The following TEK variants were observed in gnomAD, a reference collection of about 807,000 sequenced individuals.
The protein encoded by TEK is TEK receptor tyrosine kinase.
TEK carries 43 observed loss-of-function variants against 131.8 expected under a neutral mutation model. The ratio of observed to expected loss-of-function variants is 0.33; its 90% CI spans 0.26 to 0.42. The LOEUF (loss-of-function observed/expected upper bound fraction) is 0.42. Ranked by LOEUF, TEK falls within the 10% of genes least tolerant of loss-of-function variation. The pLI, the probability that TEK is intolerant of heterozygous loss-of-function variation, is 1.00. For missense variants in TEK, 1,162 were observed against 1,384.4 expected, an observed-to-expected ratio of 0.84 and a Z score of 2.55; for synonymous variants, 580 against 491.6, an observed-to-expected ratio of 1.18 and a Z score of -2.38.
At chr9:27,168,441 C>T in intron 2 of TEK, 54 bp from the exon 3 acceptor site, 4 of 1,407,310 alleles carry the variant, frequency 2.8e-6, no homozygotes, top group East Asian at 2.3e-5. Flanking sequence ...CTCAATTGCT[C>T]CTGGAGAAAA....
intron 21 of TEK, among the ~76,000 whole-genome samples, chr9:27,220,984 T>C (rs747243972): frequency 7.9e-5 from 12 of 152,182 alleles, no homozygotes; most frequent in Non-Finnish European, 1.8e-4. Context: ...GTGGTCTAGC[T>C]CAGTGGAGCC....
At chr9:27,213,032 G>A in intron 17 of TEK, 135 bp downstream of exon 17, 1 of 922,852 alleles carries the variant, frequency 1.1e-6, no homozygotes, top group East Asian at 2.6e-5. Flanking sequence ...TAATCTCTCT[G>A]TGAATAGTCC....
intron 21 of TEK, among the ~76,000 whole-genome samples, chr9:27,226,631 G>T (rs1030305894): frequency 1.3e-5 from 2 of 152,052 alleles, no homozygotes; most frequent in Non-Finnish European, 2.9e-5. Flanking sequence ...GTAGATGACA[G>T]GTTGATGGGT....
chr9:27,225,144 G>C (rs1031122443), intron 21 of TEK, among the ~76,000 whole-genome samples: 1 of 152,202 alleles, frequency 6.6e-6, no homozygotes, highest in Non-Finnish European at 1.5e-5. Context: ...CATGCTCATG[G>C]ACAGGAAGAA....
intron 7 of TEK, among the ~76,000 whole-genome samples, chr9:27,182,085 A>T (rs1441697219): frequency 6.6e-6 from 1 of 152,206 alleles, no homozygotes; most frequent in East Asian, 1.9e-4. Context: ...CCATGGGGCT[A>T]CTAGGGGATT....
chr9:27,203,248 G>A, intron 13 of TEK, 129 bp downstream of exon 13: 2 of 987,840 alleles, frequency 2.0e-6, no homozygotes, highest in Non-Finnish European at 3.1e-6. Context: ...CATTTACAGA[G>A]AGGTCCTTAA....
intron 7 of TEK, among the ~76,000 whole-genome samples, chr9:27,181,754 G>A (rs1345080719): frequency 6.6e-6 from 1 of 152,182 alleles, no homozygotes; most frequent in African/African-American, 2.4e-5. Context: ...GCTATCCACT[G>A]TCGTAGAATA....
intron 11 of TEK, among the ~76,000 whole-genome samples, chr9:27,194,528 T>C (rs1310602425): frequency 8.5e-5 from 13 of 152,168 alleles, no homozygotes; most frequent in Non-Finnish European, 1.5e-5. Flanking sequence ...ATCCCTGATA[T>C]GTCATCATGT....
intron 1 of TEK, among the ~76,000 whole-genome samples, chr9:27,112,990 T>C (rs629582): frequency 0.96 from 146,946 of 152,300 alleles, 71,081 homozygotes; most frequent in East Asian, 1. Flanking sequence ...TCATATGTTG[T>C]ATTAGCAGAA....
rs535583704 is a variant in TEK at position 27,168,374 on chromosome 9, T to G, written c.365-121T>G. The G allele has an allele frequency of 6.1e-4, 460 of 755,098 alleles. 8 individuals carry two copies. Among genetic ancestry groups the G allele is most frequent in the South Asian group, 5.9e-3 (400 of 67,704 alleles). The allele number at this position is 755,098 out of a possible 1,614,324, so 46.8% of individuals were successfully genotyped here. A position where few individuals can be genotyped will look rare whatever the true frequency, so the allele number is the denominator to read the frequency against. On this transcript the variant is annotated intron_variant, in intron 2 of 22. Coordinates refer to ENST00000380036, the MANE Select transcript of TEK (RefSeq NM_000459.5). Reference sequence around the variant, plus strand: ...GCATTAGCCACCACTGTTTTTCACCTTCCAAAAACCATCTGACACCTAGCA... The same window carrying G: ...GCATTAGCCACCACTGTTTTTCACCGTCCAAAAACCATCTGACACCTAGCA...
At chr9:27,145,320 C>T (rs757797254) in intron 1 of TEK, among the ~76,000 whole-genome samples, 1 of 152,208 alleles carries the variant, frequency 6.6e-6, no homozygotes, top group Non-Finnish European at 1.5e-5. Flanking sequence ...AGCTCTTGAT[C>T]GGCCTGTTTC....
At chr9:27,122,199 T>C (rs560791543) in intron 1 of TEK, among the ~76,000 whole-genome samples, 10 of 152,258 alleles carry the variant, frequency 6.6e-5, no homozygotes, top group Non-Finnish European at 1.0e-4. Context: ...GTTCCAAAGA[T>C]AGTTAAGAGA....
At position 27,109,401 on chromosome 9, in the gene TEK, A is replaced by C. The variant is rs999429385; in HGVS notation, c.-190A>C. 1 of 683,762 alleles carries C rather than the reference A, an allele frequency of 1.5e-6. No individual in the cohort carries two copies. Among genetic ancestry groups the C allele is most frequent in the African/African-American group, 1.8e-5 (1 of 55,760 alleles). 42.4% of individuals were successfully genotyped at this position (683,762 alleles called of 1,614,324 possible). Reference sequence around the variant, plus strand: ...AAAGGAAACAGGAAAAAGGAACTTAAAACTCCCTGTGCTCAGACAGAAATG... The same window carrying C: ...AAAGGAAACAGGAAAAAGGAACTTACAACTCCCTGTGCTCAGACAGAAATG... On this transcript the variant is annotated 5_prime_UTR_variant, in exon 1 of 23. The change abolishes the stop of an existing upstream ORF in the 5' untranslated region. Coordinates refer to ENST00000380036, the MANE Select transcript of TEK (RefSeq NM_000459.5).
intron 1 of TEK, among the ~76,000 whole-genome samples, chr9:27,144,596 C>T (rs937173473): frequency 6.6e-6 from 1 of 152,144 alleles, no homozygotes; most frequent in Non-Finnish European, 1.5e-5. Flanking sequence ...TTTGGAAGCA[C>T]ACAGGATTTT....
intron 6 of TEK, among the ~76,000 whole-genome samples, chr9:27,178,297 C>T (rs1357645427): frequency 6.6e-6 from 1 of 151,986 alleles, no homozygotes; most frequent in Non-Finnish European, 1.5e-5. Flanking sequence ...TCTGGGCTGT[C>T]AATTCTGTTC....
At chr9:27,124,397 C>T (rs955036566) in intron 1 of TEK, among the ~76,000 whole-genome samples, 1 of 152,198 alleles carries the variant, frequency 6.6e-6, no homozygotes, top group African/African-American at 2.4e-5. Context: ...TATCATCTTT[C>T]TTGGATCAGC....
chr9:27,227,846 G>C (rs1231247746), intron 21 of TEK, among the ~76,000 whole-genome samples: 2 of 152,178 alleles, frequency 1.3e-5, no homozygotes, highest in African/African-American at 2.4e-5. Flanking sequence ...GGGACTTTAT[G>C]TGGGTGGCAT....
chr9:27,205,073 C>A lies in TEK; in HGVS notation c.2364+8C>A. 1 of 1,613,856 alleles carries A rather than the reference C, an allele frequency of 6.2e-7. No homozygotes were observed. The highest frequency in any genetic ancestry group is 1.1e-5 in the South Asian group (1 of 91,062). On this transcript the variant is annotated splice_region_variant and intron_variant, in intron 14 of 22. Transcript: ENST00000380036. ...CAAGCCTTCCAAAACGTGGTAGTGT[C>A]TCATCTTCCTACTAGCTAATAAGGG...
At position 27,157,977 on chromosome 9, in the gene TEK, C is replaced by A; in HGVS notation, c.199C>A (p.Gln67Lys). Reference sequence around the variant, plus strand: ...AAGGGACTTTGAAGCCTTAATGAACCAGCACCAGGATCCGCTGGAAGTTAC... The same window carrying A: ...AAGGGACTTTGAAGCCTTAATGAACAAGCACCAGGATCCGCTGGAAGTTAC... ...IGRDFEALMN[Q>K]HQDPLEVTQD... Residue 67 changes from glutamine (Q) to lysine (K), a missense_variant, in exon 2 of 23, where the codon CAG (glutamine) becomes AAG (lysine). Gln to Lys is a moderately conservative substitution (Grantham distance 53, BLOSUM62 1). Around this residue, in one of 6 missense-constraint regions of TEK, gnomAD observed 436 missense variants for 539.1 expected, o/e 0.81. Coordinates refer to ENST00000380036, the MANE Select transcript of TEK (RefSeq NM_000459.5). The A allele has an allele frequency of 6.2e-7, 1 of 1,614,042 alleles. No individual in the cohort carries two copies. Among genetic ancestry groups the A allele is most frequent in the South Asian group, 1.1e-5 (1 of 91,050 alleles).
Sources: allele counts gnomAD v4.1 joint callset (sites outside exome capture counted in the v4.1 genomes callset), GRCh38; gene constraint gnomAD v4.1.1; regional missense constraint gnomAD v4.1.1; transcripts MANE v1.5; gene names NCBI Gene and HGNC (gene_info 2026-07-23, HGNC 2026-07-21).